The following MGAT4A variants were observed in gnomAD, a reference collection of about 807,000 sequenced individuals.
MGAT4A encodes N-acetylglucosaminyltransferase IVa.
A neutral mutation model predicts 74.1 loss-of-function variants in MGAT4A; 33 were observed. The ratio of observed to expected loss-of-function variants is 0.45; its 90% CI spans 0.34 to 0.60. The LOEUF is 0.60. Ranked by LOEUF, MGAT4A falls within the 20% of genes least tolerant of loss-of-function variation. MGAT4A has a pLI of 0.02. For synonymous variants in MGAT4A, 198 were observed against 210.4 expected (o/e 0.94, Z 0.51); for missense variants, 479 against 628.3 (o/e 0.76, Z 2.54).
At chr2:98,711,379 T>C (rs1361701129) in intron 2 of MGAT4A, among the ~76,000 whole-genome samples, 1 of 152,094 alleles carries the variant, frequency 6.6e-6, no homozygotes, top group Non-Finnish European at 1.5e-5. Context: ...CTGATCACAT[T>C]TGACACGAAT....
In MGAT4A at chr2:98,620,728, A is replaced by G. The variant is rs1701050505; in HGVS notation, c.*4838T>C. The G allele has an allele frequency of 6.6e-6, 1 of 152,250 alleles. No homozygotes were observed. The allele number at this position is 152,250 out of a possible 1,614,324, so 9.4% of individuals were successfully genotyped here. Reference sequence around the variant, plus strand: ...CAAGGCAAAGGTTATTTTTGCTCTTAATGTATCTAAAATACCACTGTTAAT... The same window carrying G: ...CAAGGCAAAGGTTATTTTTGCTCTTGATGTATCTAAAATACCACTGTTAAT... On this transcript the variant is annotated 3_prime_UTR_variant, in exon 16 of 16. Transcript: ENST00000393487.
chr2:98,716,289 G>A (rs966791076), intron 2 of MGAT4A, among the ~76,000 whole-genome samples: 2 of 152,126 alleles, frequency 1.3e-5, no homozygotes, highest in African/African-American at 4.8e-5. Context: ...ACACTACTTC[G>A]CTCCAGCCTG....
At chr2:98,658,424 G>C (rs1701692502) in intron 5 of MGAT4A, among the ~76,000 whole-genome samples, 160 bp from the exon 6 acceptor site, 1 of 152,000 alleles carries the variant, frequency 6.6e-6, no homozygotes, top group African/African-American at 2.4e-5. Context: ...TTGTTCTATT[G>C]TACTACTGAA....
At chr2:98,692,226 C>G (rs1441006022) in intron 2 of MGAT4A, among the ~76,000 whole-genome samples, 1 of 152,102 alleles carries the variant, frequency 6.6e-6, no homozygotes, top group Non-Finnish European at 1.5e-5. Flanking sequence ...TCCAGAGTAG[C>G]TGAAGTACAG....
chr2:98,629,338 C>T (rs1250985672), intron 14 of MGAT4A, among the ~76,000 whole-genome samples: 2 of 152,124 alleles, frequency 1.3e-5, no homozygotes, highest in East Asian at 1.9e-4. Context: ...CAAAGTAATG[C>T]TTTTATTCAA....
chr2:98,630,855 T>C (rs1192587310), intron 14 of MGAT4A, among the ~76,000 whole-genome samples: 2 of 152,306 alleles, frequency 1.3e-5, no homozygotes, highest in Admixed American at 1.3e-4. Flanking sequence ...TGGTACTGTG[T>C]GTGTGTAATG....
At chr2:98,658,822 C>A (rs973415847) in intron 5 of MGAT4A, among the ~76,000 whole-genome samples, 8 of 152,196 alleles carry the variant, frequency 5.3e-5, no homozygotes, top group Non-Finnish European at 1.0e-4. Flanking sequence ...GCACTTCAAT[C>A]AGTTAGAAAT....
At chr2:98,668,453 C>A (rs982997601) in intron 4 of MGAT4A, among the ~76,000 whole-genome samples, 1 of 152,224 alleles carries the variant, frequency 6.6e-6, no homozygotes, top group East Asian at 1.9e-4. Flanking sequence ...AATGGGGAAC[C>A]TCCACCTAGA....
At chr2:98,677,843 A>C (rs1219660100) in intron 3 of MGAT4A, among the ~76,000 whole-genome samples, 1 of 147,802 alleles carries the variant, frequency 6.8e-6, no homozygotes, top group Non-Finnish European at 1.5e-5. Flanking sequence ...TAGAAAAGAA[A>C]GTTTTGTGTG....
intron 14 of MGAT4A, among the ~76,000 whole-genome samples, chr2:98,631,256 G>A (rs1027675145): frequency 1.3e-5 from 2 of 152,208 alleles, no homozygotes; most frequent in African/African-American, 4.8e-5. Flanking sequence ...GCCTTCACGC[G>A]TAAGTTGCTA....
At chr2:98,663,340 C>T in intron 4 of MGAT4A, 161 bp from the exon 5 acceptor site, 1 of 1,529,700 alleles carries the variant, frequency 6.5e-7, no homozygotes, top group South Asian at 1.2e-5. Flanking sequence ...CAAGGGCATA[C>T]CTGTAATACT....
At chr2:98,728,886 T>A (rs1452941888) in intron 1 of MGAT4A, among the ~76,000 whole-genome samples, 2 of 152,192 alleles carry the variant, frequency 1.3e-5, no homozygotes, top group East Asian at 1.9e-4. Context: ...TGTGGCATTA[T>A]ATTAAAATAC....
intron 4 of MGAT4A, among the ~76,000 whole-genome samples, chr2:98,671,832 G>C (rs1164948909): frequency 6.7e-6 from 1 of 149,106 alleles, no homozygotes; most frequent in Non-Finnish European, 1.5e-5. Context: ...GGGAGGGTCA[G>C]AGTGAAAGAA....
chr2:98,714,859 T>C (rs1442221107), intron 2 of MGAT4A, among the ~76,000 whole-genome samples: 1 of 152,106 alleles, frequency 6.6e-6, no homozygotes, highest in Non-Finnish European at 1.5e-5. Flanking sequence ...AAAAAAATGA[T>C]AGGGGCACAA....
intron 14 of MGAT4A, among the ~76,000 whole-genome samples, chr2:98,629,129 A>C (rs1214773556): frequency 6.6e-6 from 1 of 152,246 alleles, no homozygotes. Flanking sequence ...ATCACAGACT[A>C]TTCAAAAACA....
chr2:98,726,186 C>T lies in MGAT4A; in HGVS notation c.94+53G>A, dbSNP rs758239326. On this transcript the variant is annotated intron_variant, in intron 2 of 15. Transcript: ENST00000393487. ...GACCTAAGCATTTAGGCACCTTAAC[C>T]AAGCAAAAACCCTAGTACATTTCAT... is the stretch of plus-strand genomic sequence containing the variant. 2.7e-6 allele frequency: 4 copies of T among 1,469,718 alleles called. No homozygotes were observed. The Admixed American group carries it at 5.3e-5, about 19-fold the overall frequency. 91.0% of individuals were successfully genotyped at this position (1,469,718 alleles called of 1,614,324 possible). A position where few individuals can be genotyped will look rare whatever the true frequency, so the allele number is the denominator to read the frequency against.
chr2:98,696,168 C>A (rs1024363785), intron 2 of MGAT4A, among the ~76,000 whole-genome samples: 1 of 152,182 alleles, frequency 6.6e-6, no homozygotes, highest in Non-Finnish European at 1.5e-5. Flanking sequence ...CAGACAGGAG[C>A]CACCACACCC....
At chr2:98,702,843 G>A (rs1702371185) in intron 2 of MGAT4A, among the ~76,000 whole-genome samples, 1 of 152,222 alleles carries the variant, frequency 6.6e-6, no homozygotes, top group African/African-American at 2.4e-5. Context: ...CGGAGAGACA[G>A]ACTTGAGATT....
At chr2:98,639,720 C>T in intron 12 of MGAT4A, 88 bp downstream of exon 12, 2 of 1,215,416 alleles carry the variant, frequency 1.6e-6, no homozygotes, top group Non-Finnish European at 2.3e-6. Flanking sequence ...CCACATCTGT[C>T]AGGCACACAC....
Sources: gnomAD v4.1 joint callset for allele counts (sites outside exome capture counted in the v4.1 genomes callset) on GRCh38, gnomAD v4.1.1 for gene constraint, MANE v1.5 for transcripts, NCBI Gene and HGNC (gene_info 2026-07-23, HGNC 2026-07-21) for gene names.